The following ZNF558 variants were observed in gnomAD, a reference collection of about 807,000 sequenced individuals.
ZNF558 encodes the protein zinc finger protein 558.
ZNF558 carries 23 observed loss-of-function variants against 37.6 expected under a neutral mutation model. The ratio of observed to expected loss-of-function variants is 0.61; its 90% CI spans 0.44 to 0.87. The LOEUF (loss-of-function observed/expected upper bound fraction) is 0.87, where lower values mean the gene tolerates loss of function less well. Ranked by LOEUF, ZNF558 falls within the 40% of genes least tolerant of loss-of-function variation. The pLI is 0.00. For missense variants in ZNF558, 429 were observed against 483.7 expected, an observed-to-expected ratio of 0.89 and a Z score of 1.06; for synonymous variants, 189 against 174.4, an observed-to-expected ratio of 1.08 and a Z score of -0.66.
intron 7 of ZNF558, among the ~76,000 whole-genome samples, chr19:8,815,002 T>C (rs1176437995): frequency 1.3e-5 from 2 of 152,156 alleles, no homozygotes; most frequent in African/African-American, 4.8e-5. Flanking sequence ...AAACAAACTC[T>C]GGAGATGGGG....
At chr19:8,814,629 C>A (rs903224358) in intron 7 of ZNF558, among the ~76,000 whole-genome samples, 1 of 152,126 alleles carries the variant, frequency 6.6e-6, no homozygotes, top group Non-Finnish European at 1.5e-5. Flanking sequence ...TTTTGGTGAC[C>A]TTCAGGCTCT....
intron 2 of ZNF558, 110 bp from the exon 3 acceptor site, chr19:8,825,218 C>T (rs1309333619): frequency 6.6e-6 from 1 of 152,176 alleles, no homozygotes; most frequent in Non-Finnish European, 1.5e-5. Context: ...CTGAAAGACA[C>T]GTGTAAGATG....
rs1248051325 is a variant in ZNF558, at chr19:8,809,953, A to AT, written c.*1327dup. ...ATTACATTCCTAGGGGTTTCTCCATATAAGTTCTCTCATATACAAGAAAGA... is the reference window on the plus strand; with the variant it reads ...ATTACATTCCTAGGGGTTTCTCCATATTAAGTTCTCTCATATACAAGAAAGA... On this transcript the variant is annotated 3_prime_UTR_variant, in exon 10 of 10. Coordinates refer to ENST00000601372, the MANE Select transcript of ZNF558 (RefSeq NM_144693.3). The AT allele has an allele frequency of 2.6e-5, 4 of 151,964 alleles. No individual in the cohort carries two copies. Among genetic ancestry groups the AT allele is most frequent in the Admixed American group, 2.6e-4 (4 of 15,264 alleles). The allele number at this position is 151,964 out of a possible 1,614,324, so 9.4% of individuals were successfully genotyped here. A position where few individuals can be genotyped will look rare whatever the true frequency, so the allele number is the denominator to read the frequency against.
At chr19:8,821,949 T>G in intron 6 of ZNF558, 54 bp downstream of exon 6, 1 of 1,608,314 alleles carries the variant, frequency 6.2e-7, no homozygotes, top group Non-Finnish European at 8.5e-7. Flanking sequence ...AGGTATCAAG[T>G]CCAACCTTCT....
At chr19:8,814,189 T>C (rs1443887475) in intron 7 of ZNF558, among the ~76,000 whole-genome samples, 1 of 152,202 alleles carries the variant, frequency 6.6e-6, no homozygotes, top group African/African-American at 2.4e-5. Context: ...AATGGACCTC[T>C]TTCCCCTGCT....
chr19:8,835,881 ACATTACGGTAAGTAAAAGAAGC>A (rs1233045694), upstream of ZNF558, among the ~76,000 whole-genome samples: 1 of 152,234 alleles, frequency 6.6e-6, no homozygotes, highest in African/African-American at 2.4e-5. Context: ...AACCTTGAAA[ACATTACGGTAAGTAAAAGAAGC>A]CACTCATAAA....
chr19:8,832,809 G>A (rs2044395204), upstream of ZNF558, among the ~76,000 whole-genome samples: 1 of 152,016 alleles, frequency 6.6e-6, no homozygotes, highest in Non-Finnish European at 1.5e-5. Flanking sequence ...GCGGGGCTGA[G>A]CGGGAACCAG....
In ZNF558 at chr19:8,810,758, G is replaced by C. The variant is rs1400395177; in HGVS notation, c.*523C>G. The C allele has an allele frequency of 6.5e-6, 1 of 153,250 alleles. No individual in the cohort carries two copies. The highest frequency in any genetic ancestry group is 1.5e-5 in the Non-Finnish European group (1 of 68,888). The allele number at this position is 153,250 out of a possible 1,614,324, so 9.5% of individuals were successfully genotyped here. ...TTGTATCAGGATTGGTGTGTTGTGA[G>C]ACCAACACAATAGGAAATAAGTGAA... On this transcript the variant is annotated 3_prime_UTR_variant, in exon 10 of 10. Coordinates refer to ENST00000601372, the MANE Select transcript of ZNF558 (RefSeq NM_144693.3).
At chr19:8,821,150 A>C in intron 7 of ZNF558, 30 bp downstream of exon 7, 1 of 1,608,394 alleles carries the variant, frequency 6.2e-7, no homozygotes, top group Non-Finnish European at 8.5e-7. Flanking sequence ...TGGAGTCATT[A>C]AATAAATGCA....
the ZNF558 span, among the ~76,000 whole-genome samples, chr19:8,837,538 C>G: frequency 3.3e-5 from 5 of 152,220 alleles, no homozygotes; most frequent in Non-Finnish European, 5.9e-5. Context: ...ATGCCTGGAC[C>G]CTTTCTGCCT....
chr19:8,827,763 G>A (rs1025500293), intron 2 of ZNF558, among the ~76,000 whole-genome samples: 16 of 151,830 alleles, frequency 1.1e-4, no homozygotes, highest in African/African-American at 2.9e-4. Flanking sequence ...TAGTAGAGAC[G>A]GGGTTTCACC....
chr19:8,827,637 A>C (rs946265868), intron 2 of ZNF558, among the ~76,000 whole-genome samples: 3 of 140,620 alleles, frequency 2.1e-5, no homozygotes, highest in Admixed American at 8.2e-5. Flanking sequence ...GCAGTGGTGC[A>C]ATCTCTGCTC....
At position 8,816,375 on chromosome 19, in the gene ZNF558, TAATC is replaced by T. The variant is rs901925146; in HGVS notation, c.248-3157_248-3154del. Among the ~76,000 whole-genome samples the T allele has an allele frequency of 6.7e-4, 102 of 152,108 alleles. 1 individual carries two copies. Among genetic ancestry groups the T allele is most frequent in the African/African-American group, 2.3e-3 (94 of 41,410 alleles). On this transcript the variant is annotated intron_variant, in intron 7 of 9. Transcript: ENST00000601372. ...ATTGCAGCCGGCATCAAACACATAT[TAATC>T]AAACTGTTGAAAGACAAAGGCAGCA...
At chr19:8,816,000 A>G (rs2043927798) in intron 7 of ZNF558, among the ~76,000 whole-genome samples, 1 of 152,144 alleles carries the variant, frequency 6.6e-6, no homozygotes, top group Non-Finnish European at 1.5e-5. Flanking sequence ...TACAAATCCA[A>G]GAAGCTCAAC....
upstream of ZNF558, among the ~76,000 whole-genome samples, chr19:8,836,301 G>A (rs1010849114): frequency 6.6e-6 from 1 of 151,912 alleles, no homozygotes; most frequent in Non-Finnish European, 1.5e-5. Flanking sequence ...GAAGAAAAGT[G>A]GAAAAAGTAA....
At chr19:8,828,184 C>G (rs2044274521) in intron 2 of ZNF558, among the ~76,000 whole-genome samples, 1 of 152,176 alleles carries the variant, frequency 6.6e-6, no homozygotes, top group African/African-American at 2.4e-5. Flanking sequence ...AAATATGGAA[C>G]TTGTTAAACA....
rs782624189 is a variant in ZNF558, at chr19:8,811,708, T to C, written c.782A>G (p.Glu261Gly). The part of the protein sequence containing the change: ...LKSHKRIHTG[E>G]NHHECNQCGK... Reference sequence around the variant, plus strand: ...ACACTGATTACATTCATGGTGATTCTCCCCCGTGTGAATCCTCTTGTGGCT... The same window carrying C: ...ACACTGATTACATTCATGGTGATTCCCCCCCGTGTGAATCCTCTTGTGGCT... Residue 261 changes from glutamate to glycine, a missense_variant, in exon 10 of 10, where the codon GAG becomes GGG. By Grantham distance (98) the Glu-to-Gly change is moderately conservative (BLOSUM62 -2). Transcript: ENST00000601372. 1 of 1,614,098 alleles carries C rather than the reference T, an allele frequency of 6.2e-7. No homozygotes were observed. Among genetic ancestry groups the C allele is most frequent in the Non-Finnish European group, 8.5e-7 (1 of 1,180,034 alleles).
intron 2 of ZNF558, among the ~76,000 whole-genome samples, chr19:8,828,551 G>C (rs2044281689): frequency 6.6e-6 from 1 of 152,172 alleles, no homozygotes; most frequent in Non-Finnish European, 1.5e-5. Context: ...CCTATGACAA[G>C]CTCCTGCTTC....
chr19:8,834,313 A>G (rs894279147), upstream of ZNF558, among the ~76,000 whole-genome samples: 3 of 152,114 alleles, frequency 2.0e-5, no homozygotes, highest in Admixed American at 6.5e-5. Flanking sequence ...GCCAATATAC[A>G]AAAGAATGAA....
Sources: gnomAD v4.1 joint callset for allele counts (sites outside exome capture counted in the v4.1 genomes callset) on GRCh38, gnomAD v4.1.1 for gene constraint, MANE v1.5 for transcripts, NCBI Gene and HGNC (gene_info 2026-07-23, HGNC 2026-07-21) for gene names.